The following FMN1 variants were observed in gnomAD, a reference collection of about 807,000 sequenced individuals.
FMN1 encodes formin-1.
In FMN1, 110 loss-of-function variants were observed where a neutral mutation model predicts 132.4. The ratio of observed to expected loss-of-function variants is 0.83; its 90% CI spans 0.71 to 0.97. The LOEUF is 0.97. Ranked by LOEUF, FMN1 falls within the 50% of genes least tolerant of loss-of-function variation. The probability of loss-of-function intolerance (pLI) is 0.00; values close to 1 mark genes in which losing one functional copy is unlikely to be tolerated. For synonymous variants in FMN1, 722 were observed against 651.7 expected, an observed-to-expected ratio of 1.11 and a Z score of -1.64; for missense variants, 1,792 against 1,705.3, an observed-to-expected ratio of 1.05 and a Z score of -0.90.
intron 2 of FMN1, among the ~76,000 whole-genome samples, chr15:33,180,796 C>A (rs1965672091): frequency 7.3e-6 from 1 of 137,434 alleles, no homozygotes; most frequent in Non-Finnish European, 1.5e-5. Context: ...GTTGCCCAGA[C>A]TGAAGTGCAG....
intron 4 of FMN1, among the ~76,000 whole-genome samples, chr15:33,136,530 GT>G (rs924796028): frequency 2.0e-5 from 3 of 151,716 alleles, no homozygotes; most frequent in African/African-American, 7.3e-5. Flanking sequence ...TAAGCAAGTG[GT>G]TTTTTTTGAT....
At chr15:32,941,880 G>A (rs1370112406) in intron 9 of FMN1, among the ~76,000 whole-genome samples, 1 of 152,064 alleles carries the variant, frequency 6.6e-6, no homozygotes, top group Non-Finnish European at 1.5e-5. Context: ...TTTGAGGGAC[G>A]TTAGCAAGCC....
chr15:32,906,378 A>C (rs1420899117), intron 12 of FMN1, among the ~76,000 whole-genome samples: 1 of 152,252 alleles, frequency 6.6e-6, no homozygotes, highest in African/African-American at 2.4e-5. Context: ...ATGAAATTCA[A>C]ATTTCAGTGT....
intron 5 of FMN1, among the ~76,000 whole-genome samples, chr15:33,082,093 ATG>A (rs61138142): frequency 0.061 from 7,365 of 120,182 alleles, 220 homozygotes; most frequent in Non-Finnish European, 0.07. Context: ...CTGGAAAACA[ATG>A]TGTGTGTGTG....
At chr15:33,043,677 C>T (rs1321823174) in intron 6 of FMN1, among the ~76,000 whole-genome samples, 1 of 152,234 alleles carries the variant, frequency 6.6e-6, no homozygotes, top group African/African-American at 2.4e-5. Context: ...GCAGCGGCGG[C>T]CTATATGGAG....
intron 4 of FMN1, among the ~76,000 whole-genome samples, chr15:33,097,073 C>G (rs563292244): frequency 9.9e-5 from 15 of 152,036 alleles, no homozygotes; most frequent in Non-Finnish European, 2.2e-4. Context: ...GTGGGTGGAT[C>G]ACTTAAGCTC....
chr15:32,935,295 T>C (rs1427602271), intron 9 of FMN1, among the ~76,000 whole-genome samples: 2 of 152,216 alleles, frequency 1.3e-5, no homozygotes, highest in Admixed American at 6.5e-5. Context: ...TTACCCTATA[T>C]CCTTCTGGTC....
chr15:32,902,090 A>C (rs1306994196), intron 12 of FMN1, 50 bp from the exon 13 acceptor site: 1 of 1,539,336 alleles, frequency 6.5e-7, no homozygotes, highest in Non-Finnish European at 8.8e-7. Flanking sequence ...TCACAAGGAA[A>C]ATAAAAAGAC....
chr15:32,948,345 A>C (rs965009546), intron 9 of FMN1, among the ~76,000 whole-genome samples: 1 of 151,936 alleles, frequency 6.6e-6, no homozygotes, highest in Non-Finnish European at 1.5e-5. Context: ...TAAGATCTTC[A>C]TATCTATATT....
intron 5 of FMN1, among the ~76,000 whole-genome samples, chr15:33,080,117 C>T (rs9783724): frequency 0.057 from 8,741 of 152,214 alleles, 822 homozygotes; most frequent in African/African-American, 0.2. Context: ...CACATTGTCA[C>T]GAATATCCTA....
At chr15:32,955,451 T>A (rs1035676001) in intron 9 of FMN1, among the ~76,000 whole-genome samples, 11 of 152,200 alleles carry the variant, frequency 7.2e-5, no homozygotes, top group African/African-American at 2.4e-4. Context: ...TGTTACATCT[T>A]CACATACTTC....
intron 18 of FMN1, among the ~76,000 whole-genome samples, chr15:32,801,053 G>T (rs943363717): frequency 6.6e-6 from 1 of 152,184 alleles, no homozygotes; most frequent in African/African-American, 2.4e-5. Context: ...TCCAGTTATT[G>T]TGCTTCATGG....
intron 17 of FMN1, among the ~76,000 whole-genome samples, chr15:32,840,497 T>G (rs1307104599): frequency 6.6e-6 from 1 of 152,214 alleles, no homozygotes; most frequent in Non-Finnish European, 1.5e-5. Context: ...TCTCTGCACA[T>G]AACTGCGTAC....
intron 17 of FMN1, among the ~76,000 whole-genome samples, chr15:32,849,398 T>C (rs1432030010): frequency 2.0e-5 from 3 of 152,168 alleles, no homozygotes; most frequent in African/African-American, 7.2e-5. Flanking sequence ...ATAACTACTC[T>C]TCTGACCCTT....
At chr15:32,839,219 C>T (rs1278251886) in intron 17 of FMN1, among the ~76,000 whole-genome samples, 1 of 152,122 alleles carries the variant, frequency 6.6e-6, no homozygotes, top group Non-Finnish European at 1.5e-5. Context: ...CTTTCTGCAC[C>T]CTGCCCACCC....
At chr15:33,051,394 G>A (rs1469554955) in intron 6 of FMN1, among the ~76,000 whole-genome samples, 1 of 152,218 alleles carries the variant, frequency 6.6e-6, no homozygotes, top group African/African-American at 2.4e-5. Flanking sequence ...TGGTTCTGTT[G>A]TTACAGTAGG....
At position 33,040,728 on chromosome 15, in the gene FMN1, C is replaced by T. The variant is rs182751587; in HGVS notation, c.2161+24229G>A. ...GAAATCCCCCAGGAGTCATCCTAGC[C>T]ATGCTATGTAGCTCAACATACAATA... On this transcript the variant is annotated intron_variant, in intron 6 of 20. Transcript: ENST00000616417. 1.4e-3 allele frequency among the ~76,000 whole-genome samples: 210 copies of T among 152,338 alleles called. 1 individual carries two copies. The highest frequency in any genetic ancestry group is 4.5e-3 in the African/African-American group (186 of 41,582).
intron 3 of FMN1, among the ~76,000 whole-genome samples, chr15:33,160,356 T>A (rs1258439742): frequency 1.3e-5 from 2 of 152,116 alleles, no homozygotes; most frequent in Non-Finnish European, 2.9e-5. Flanking sequence ...GACTAGCTGG[T>A]TGTTTCAACA....
intron 10 of FMN1, among the ~76,000 whole-genome samples, chr15:32,920,717 C>T (rs532663574): frequency 8.5e-5 from 13 of 152,304 alleles, no homozygotes; most frequent in African/African-American, 2.9e-4. Flanking sequence ...TGGCTTGGGG[C>T]ACCATTATAC....
Sources: allele counts gnomAD v4.1 joint callset (sites outside exome capture counted in the v4.1 genomes callset), GRCh38; gene constraint gnomAD v4.1.1; transcripts MANE v1.5; gene names NCBI Gene and HGNC (gene_info 2026-07-23, HGNC 2026-07-21).